SEPTIN6: variants seen among roughly 807,000 people sequenced by gnomAD.
SEPTIN6 encodes the protein septin-6.
SEPTIN6 carries 8 observed loss-of-function variants against 33.6 expected under a neutral mutation model. That is an observed-to-expected ratio of 0.24 (90% CI 0.14 to 0.43). The LOEUF is 0.43. SEPTIN6 is among the 20% of genes least tolerant of loss of function. SEPTIN6 has a pLI of 1.00. For missense variants in SEPTIN6, 250 were observed against 340.8 expected, an observed-to-expected ratio of 0.73 and a Z score of 2.10; for synonymous variants, 131 against 140.0, an observed-to-expected ratio of 0.94 and a Z score of 0.45.
intron 3 of SEPTIN6, among the ~76,000 whole-genome samples, chrX:119,657,050 C>T (rs59350072): frequency 0.019 from 2,011 of 108,015 alleles, 50 homozygotes; most frequent in East Asian, 0.15. Context: ...GAAACCCCGT[C>T]TCTACTAAAA....
Position 119,685,764 on chromosome X carries a change from C to G in SEPTIN6, c.30+7312G>C, listed in dbSNP as rs909520740. Reference sequence around the variant, plus strand: ...GTCAGGGGCAGAAGGGTCAAGGAACCGAATCTGGAAACCCGTGAGCTCCCC... The same window carrying G: ...GTCAGGGGCAGAAGGGTCAAGGAACGGAATCTGGAAACCCGTGAGCTCCCC... On this transcript the variant is annotated intron_variant, in intron 1 of 10. Transcript: ENST00000394610. 6.3e-5 allele frequency among the ~76,000 whole-genome samples: 7 copies of G among 111,453 alleles called. No individual in the cohort carries two copies. The South Asian group carries it at 2.6e-3, about 42-fold the overall frequency.
At chrX:119,665,932 A>G (rs1313933488) in intron 2 of SEPTIN6, among the ~76,000 whole-genome samples, 1 of 110,057 alleles carries the variant, frequency 9.1e-6, no homozygotes, top group Non-Finnish European at 1.9e-5. Flanking sequence ...AAATACAAAA[A>G]TTAGCCAGGC....
intron 1 of SEPTIN6, among the ~76,000 whole-genome samples, chrX:119,680,121 GAACA>G (rs1299314513): frequency 1.8e-5 from 2 of 110,912 alleles, no homozygotes; most frequent in Non-Finnish European, 3.8e-5. Flanking sequence ...AGAAATTTTA[GAACA>G]TACAGATAAT....
chrX:119,690,083 C>T (rs2055137728), intron 1 of SEPTIN6, among the ~76,000 whole-genome samples: 1 of 111,385 alleles, frequency 9.0e-6, no homozygotes, highest in South Asian at 3.7e-4. Flanking sequence ...TTGACAAGGG[C>T]TAACCATAGT....
chrX:119,673,492 A>G (rs1186902633), intron 2 of SEPTIN6, among the ~76,000 whole-genome samples: 1 of 111,239 alleles, frequency 9.0e-6, no homozygotes, highest in Non-Finnish European at 1.9e-5. Context: ...CTCTTACAAA[A>G]AGTGACCTGG....
intron 5 of SEPTIN6, among the ~76,000 whole-genome samples, chrX:119,642,405 G>C (rs11798102): frequency 1.8e-5 from 2 of 110,349 alleles, no homozygotes; most frequent in African/African-American, 6.6e-5. Flanking sequence ...AACACTATAT[G>C]GTAAGTTGCC....
In SEPTIN6 at chrX:119,618,948, G is replaced by C. The variant is rs1047811209; in HGVS notation, c.*1145C>G. 2.5e-5 allele frequency: 25 copies of C among 993,595 alleles called. No homozygotes were observed. The highest frequency in any genetic ancestry group is 3.1e-5 in the Non-Finnish European group (24 of 782,921). 81.9% of individuals were successfully genotyped at this position (993,595 alleles called of 1,213,427 possible). ...ACAGAGGTTCCCAAAGCCACTATCA[G>C]ATGGGACCCATGATAAAAACTTAGG... On this transcript the variant is annotated 3_prime_UTR_variant, in exon 11 of 11. Coordinates refer to ENST00000394610, the MANE Select transcript of SEPTIN6 (RefSeq NM_145799.4).
At position 119,619,988 on chromosome X, in the gene SEPTIN6, G is replaced by C; in HGVS notation, c.*105C>G. 2.5e-6 allele frequency: 3 copies of C among 1,204,096 alleles called. No homozygotes were observed. The highest frequency in any genetic ancestry group is 2.2e-6 in the Non-Finnish European group (2 of 893,090). ...TATGCCCCCCAGGCATGTTAAGGGG[G>C]AAATTAGAGAAAGGGAGGCCCAGCT... On this transcript the variant is annotated 3_prime_UTR_variant, in exon 11 of 11. Coordinates refer to ENST00000394610, the MANE Select transcript of SEPTIN6 (RefSeq NM_145799.4).
chrX:119,651,355 G>A (rs976273365), intron 4 of SEPTIN6, among the ~76,000 whole-genome samples: 1 of 111,862 alleles, frequency 8.9e-6, no homozygotes, highest in Non-Finnish European at 1.9e-5. Context: ...TGGCACTTTC[G>A]CCAAGTCCCC....
intron 1 of SEPTIN6, among the ~76,000 whole-genome samples, chrX:119,689,383 G>T (rs1195603844): frequency 8.9e-6 from 1 of 112,157 alleles, no homozygotes; most frequent in Non-Finnish European, 1.9e-5. Flanking sequence ...ATAGTCAGGG[G>T]GTGAGGTGGG....
At chrX:119,626,083 TG>T (rs1196791287) in intron 9 of SEPTIN6, among the ~76,000 whole-genome samples, 3 of 112,305 alleles carry the variant, frequency 2.7e-5, no homozygotes, top group Non-Finnish European at 1.9e-5. Context: ...CTTCTGCATC[TG>T]GAAGTACAGA....
intron 8 of SEPTIN6, among the ~76,000 whole-genome samples, chrX:119,632,166 G>A (rs1019673745): frequency 3.6e-5 from 4 of 109,590 alleles, no homozygotes; most frequent in Non-Finnish European, 5.7e-5. Context: ...CCAAAGTGCT[G>A]GGATTACAGA....
intron 1 of SEPTIN6, among the ~76,000 whole-genome samples, chrX:119,676,345 T>C (rs1271687173): frequency 9.2e-6 from 1 of 108,824 alleles, no homozygotes; most frequent in East Asian, 2.9e-4. Flanking sequence ...GTGCCTATAA[T>C]CCCAGCTACT....
rs186085685 is a variant in SEPTIN6, at chrX:119,670,664, C to T, written c.145+4890G>A. On this transcript the variant is annotated intron_variant, in intron 2 of 10. Coordinates refer to ENST00000394610, the MANE Select transcript of SEPTIN6 (RefSeq NM_145799.4). ...GGATTATCAAAAATTCTCGGCCGGA[C>T]GCAGTGGCTCACACCTACAATCCCA... Among the ~76,000 whole-genome samples, 362 of 107,866 alleles carry T rather than the reference C, an allele frequency of 3.4e-3. 1 individual carries two copies. Among genetic ancestry groups the T allele is most frequent in the African/African-American group, 0.012 (345 of 29,593 alleles). The allele number at this position is 107,866 out of a possible 115,157, so 93.7% of individuals were successfully genotyped here.
intron 6 of SEPTIN6, among the ~76,000 whole-genome samples, chrX:119,640,262 G>A (rs1392126902): frequency 3.0e-5 from 3 of 99,240 alleles, no homozygotes; most frequent in African/African-American, 1.1e-4. Context: ...CTCGTGATCC[G>A]CCCGCCTCGG....
At chrX:119,623,516 GT>G (rs1178879689) in intron 10 of SEPTIN6, among the ~76,000 whole-genome samples, 1 of 111,922 alleles carries the variant, frequency 8.9e-6, no homozygotes, top group African/African-American at 3.2e-5. Flanking sequence ...ATGTTTGAAA[GT>G]TTCCACGGTA....
Position 119,618,221 on chromosome X carries a change from T to C in SEPTIN6, c.*1872A>G, listed in dbSNP as rs1249499877. ...TGTTTCTACCTCCAAGCATATGGTC[T>C]TCAAAAAAATACTCCACTGTAACTT... On this transcript the variant is annotated 3_prime_UTR_variant, in exon 11 of 11. Coordinates refer to ENST00000394610, the MANE Select transcript of SEPTIN6 (RefSeq NM_145799.4). The C allele has an allele frequency of 1.3e-6, 1 of 795,419 alleles. No homozygotes were observed. Among genetic ancestry groups the C allele is most frequent in the Non-Finnish European group, 1.5e-6 (1 of 667,374 alleles). 65.6% of individuals were successfully genotyped at this position (795,419 alleles called of 1,213,427 possible).
Position 119,652,966 on chromosome X carries a change from A to C in SEPTIN6, c.416T>G (p.Val139Gly). 5.0e-6 allele frequency: 6 copies of C among 1,208,907 alleles called. No individual in the cohort carries two copies. Among genetic ancestry groups the C allele is most frequent in the Non-Finnish European group, 6.7e-6 (6 of 893,811 alleles). Residue 139 changes from valine (V) to glycine (G), a missense_variant, in exon 4 of 11, where the codon GTG (valine) becomes GGG (glycine). Val to Gly is a moderately radical substitution (Grantham distance 109, BLOSUM62 -3). Transcript: ENST00000394610. ...TCGGGAGTCATGGTAGGTGTGTAGC[A>C]CTCTTCGGATCTTTAGCTCTTCCTG... ...YLQEELKIRR[V>G]LHTYHDSRIH...
intron 2 of SEPTIN6, among the ~76,000 whole-genome samples, chrX:119,668,659 A>G (rs1039658147): frequency 4.5e-5 from 5 of 111,511 alleles, no homozygotes; most frequent in Admixed American, 3.8e-4. Context: ...CCTCATCTAT[A>G]AAATGTGGAG....
Sources: gnomAD v4.1 joint callset for allele counts (sites outside exome capture counted in the v4.1 genomes callset) on GRCh38, gnomAD v4.1.1 for gene constraint, MANE v1.5 for transcripts, NCBI Gene and HGNC (gene_info 2026-07-23, HGNC 2026-07-21) for gene names.